The following MICAL2 variants were observed in gnomAD, a reference collection of about 807,000 sequenced individuals.
MICAL2 encodes [F-actin]-monooxygenase MICAL2.
A neutral mutation model predicts 127.3 loss-of-function variants in MICAL2; 77 were observed. That is an observed-to-expected ratio of 0.60 (90% CI 0.50 to 0.73). The LOEUF (loss-of-function observed/expected upper bound fraction) is 0.73. MICAL2 is among the 30% of genes least tolerant of loss of function. The pLI is 0.00. For missense variants in MICAL2, 1,351 were observed against 1,434.4 expected, an observed-to-expected ratio of 0.94 and a Z score of 0.94; for synonymous variants, 570 against 551.1, an observed-to-expected ratio of 1.03 and a Z score of -0.48.
chr11:12,263,453 C>A, intron 27 of MICAL2, 107 bp from the exon 28 acceptor site: 1 of 152,780 alleles, frequency 6.5e-6, no homozygotes, highest in Non-Finnish European at 1.5e-5. Context: ...CCAGACCACC[C>A]TGACCCCCGG....
intron 6 of MICAL2, among the ~76,000 whole-genome samples, chr11:12,212,793 G>A (rs1855655899): frequency 6.6e-6 from 1 of 152,164 alleles, no homozygotes; most frequent in Non-Finnish European, 1.5e-5. Flanking sequence ...AAAAATTGGA[G>A]ATATGAAGAA....
chr11:12,273,866 C>T (rs557247031), upstream of MICAL2, among the ~76,000 whole-genome samples: 52 of 152,138 alleles, frequency 3.4e-4, no homozygotes, highest in Non-Finnish European at 5.1e-4. Flanking sequence ...GACTTAGAAA[C>T]AAGGAGGTCA....
intron 1 of MICAL2, among the ~76,000 whole-genome samples, chr11:12,126,454 A>G (rs1215401581): frequency 6.6e-6 from 1 of 152,190 alleles, no homozygotes. Context: ...TGAGGTTTGC[A>G]GGTAACTGAG....
intron 1 of MICAL2, among the ~76,000 whole-genome samples, chr11:12,119,329 C>A (rs1437396740): frequency 1.3e-5 from 2 of 152,180 alleles, no homozygotes; most frequent in Non-Finnish European, 2.9e-5. Flanking sequence ...TTTTAAAGAT[C>A]TTTAATTGGC....
At chr11:12,185,177 C>CTGGA (rs1565118202) in intron 3 of MICAL2, among the ~76,000 whole-genome samples, 1 of 4,768 alleles carries the variant, frequency 2.1e-4, no homozygotes, top group African/African-American at 1.0e-3. Context: ...GGGTGGGTGG[C>CTGGA]TGGATGGATG....
intron 12 of MICAL2, 76 bp from the exon 13 acceptor site, chr11:12,224,597 C>T: frequency 1.3e-6 from 2 of 1,550,716 alleles, no homozygotes; most frequent in Non-Finnish European, 1.8e-6. Flanking sequence ...GCCATGGTGG[C>T]AATGAGAAGG....
At chr11:12,197,498 C>T (rs1461121495) in intron 3 of MICAL2, 1 of 152,216 alleles carries the variant, frequency 6.6e-6, no homozygotes, top group Non-Finnish European at 1.5e-5. Context: ...GATGCACAGG[C>T]AACAACAAAG....
intron 32 of MICAL2, among the ~76,000 whole-genome samples, chr11:12,336,306 A>G (rs1012200444): frequency 2.0e-5 from 3 of 152,210 alleles, no homozygotes; most frequent in Non-Finnish European, 2.9e-5. Context: ...TTGATTTTGT[A>G]TCCTGAGACT....
intron 1 of MICAL2, among the ~76,000 whole-genome samples, chr11:12,278,796 T>C (rs937718995): frequency 6.6e-6 from 1 of 152,144 alleles, no homozygotes; most frequent in Non-Finnish European, 1.5e-5. Flanking sequence ...GAATGGCTGG[T>C]ATGGTCATTT....
At chr11:12,166,173 C>T (rs1035426389) in intron 3 of MICAL2, among the ~76,000 whole-genome samples, 1 of 152,152 alleles carries the variant, frequency 6.6e-6, no homozygotes, top group Non-Finnish European at 1.5e-5. Flanking sequence ...ATATATAAAT[C>T]TTTAATGCTA....
chr11:12,225,824 T>G (rs1281287772), intron 13 of MICAL2: 1 of 303,296 alleles, frequency 3.3e-6, no homozygotes, highest in African/African-American at 2.2e-5. Flanking sequence ...TGATGTTTTT[T>G]ACAAGATGCC....
chr11:12,293,537 G>T, downstream of MICAL2: 1 of 1,550,918 alleles, frequency 6.4e-7, no homozygotes, highest in Non-Finnish European at 8.7e-7. Flanking sequence ...TTAAATAACT[G>T]CTATTTTTGC....
chr11:12,207,985 A>G, intron 4 of MICAL2, 38 bp from the exon 5 acceptor site: 2 of 1,489,600 alleles, frequency 1.3e-6, no homozygotes, highest in Non-Finnish European at 1.9e-6. Flanking sequence ...GTGTTCAGGT[A>G]TTGCTGTGAC....
intron 3 of MICAL2, among the ~76,000 whole-genome samples, chr11:12,189,089 G>T (rs1256361116): frequency 1.3e-5 from 2 of 152,158 alleles, no homozygotes; most frequent in Non-Finnish European, 2.9e-5. Context: ...ACCTGAGTCA[G>T]TTTCACTTCT....
intron 30 of MICAL2, among the ~76,000 whole-genome samples, chr11:12,323,480 G>A (rs6650167): frequency 0.028 from 4,286 of 151,724 alleles, 209 homozygotes; most frequent in African/African-American, 0.098. Flanking sequence ...TTGCCTACCC[G>A]TCTCTCTCTC....
Position 12,220,472 on chromosome 11 carries a change from T to TCGG in MICAL2, c.1206+15_1206+17dup. ...AGCTTGCTTGAGGTACTGCCTGAGCTCGGAGCCCCCATGTTTCTCTGCGAG... is the reference window on the plus strand; with the variant it reads ...AGCTTGCTTGAGGTACTGCCTGAGCTCGGCGGAGCCCCCATGTTTCTCTGCGAG... On this transcript the variant is annotated intron_variant, in intron 9 of 27. Transcript: ENST00000683283. The TCGG allele has an allele frequency of 6.2e-7, 1 of 1,603,630 alleles. No individual in the cohort carries two copies. Among genetic ancestry groups the TCGG allele is most frequent in the Non-Finnish European group, 8.5e-7 (1 of 1,179,184 alleles).
At chr11:12,294,739 T>C (rs556800635), downstream of MICAL2, 1 of 1,613,496 alleles carries the variant, frequency 6.2e-7, no homozygotes, top group South Asian at 1.1e-5. Flanking sequence ...CTGAAGATAG[T>C]GCGCAGGCCC....
chr11:12,274,002 G>A (rs1244164278), upstream of MICAL2, among the ~76,000 whole-genome samples: 1 of 152,162 alleles, frequency 6.6e-6, no homozygotes, highest in Non-Finnish European at 1.5e-5. Flanking sequence ...GCTTGGCTAA[G>A]AAGGAAGAAG....
In MICAL2 at chr11:12,321,584, G is replaced by T. The variant is rs546108462; in HGVS notation, c.5328+1773G>T. On this transcript the variant is annotated intron_variant, in intron 30 of 34. Transcript: ENST00000646065. ...CATCTTTTCTTCCCTAGCCCTTAGC[G>T]TCTTTCCCTCTCTGCATCATCACCA... 2.6e-5 allele frequency among the ~76,000 whole-genome samples: 4 copies of T among 152,252 alleles called. No individual in the cohort carries two copies. In the East Asian group the frequency reaches 7.7e-4, roughly 29 times the overall value.
Sources: allele counts gnomAD v4.1 joint callset (sites outside exome capture counted in the v4.1 genomes callset), GRCh38; gene constraint gnomAD v4.1.1; transcripts MANE v1.5; gene names NCBI Gene and HGNC (gene_info 2026-07-23, HGNC 2026-07-21).